The following GARNL3 variants were observed in gnomAD, a reference collection of about 807,000 sequenced individuals.
GARNL3 encodes GTPase-activating Rap/Ran-GAP domain-like protein 3.
A neutral mutation model predicts 125.0 loss-of-function variants in GARNL3; 63 were observed. That is an observed-to-expected ratio of 0.50 (90% CI 0.41 to 0.62). GARNL3 has a LOEUF of 0.62. Ranked by LOEUF, GARNL3 falls within the 20% of genes least tolerant of loss-of-function variation. GARNL3 has a pLI of 0.00. For missense variants in GARNL3, 994 were observed against 1,244.0 expected (o/e 0.80, Z 3.02); for synonymous variants, 439 against 457.5 (o/e 0.96, Z 0.52).
At chr9:127,338,014 G>A (rs907529329) in intron 11 of GARNL3, 102 bp from the exon 12 acceptor site, 8 of 868,418 alleles carry the variant, frequency 9.2e-6, no homozygotes, top group African/African-American at 3.3e-5. Flanking sequence ...CCTAAGCACA[G>A]AAGCGCTGGT....
chr9:127,281,653 C>G (rs1328981597), intron 1 of GARNL3, among the ~76,000 whole-genome samples: 1 of 152,220 alleles, frequency 6.6e-6, no homozygotes, highest in Non-Finnish European at 1.5e-5. Context: ...TTCTCCCTTG[C>G]CTTTCCCTGC....
rs1473093184 is a variant in GARNL3, at chr9:127,313,541, A to G, written c.420A>G (p.Ala140=). The G allele has an allele frequency of 6.2e-7, 1 of 1,613,290 alleles. No individual in the cohort carries two copies. The highest frequency in any genetic ancestry group is 8.5e-7 in the Non-Finnish European group (1 of 1,179,208). ...QNNQRVPQYR[A]ILWRKTGTQK... is the part of the protein sequence containing the mutation. ...ATCAACGTGTCCCTCAATACCGTGC[A>G]ATTCTTTGGAGAAAAACAGTAAGTA... The change falls in exon 4 of 28, where the codon GCA becomes GCG. Residue 140 remains alanine, a synonymous_variant. Transcript: ENST00000373387.
intron 1 of GARNL3, among the ~76,000 whole-genome samples, chr9:127,284,466 A>G (rs1160494039): frequency 6.6e-6 from 1 of 152,172 alleles, no homozygotes; most frequent in East Asian, 1.9e-4. Context: ...TTAATCAATT[A>G]TACTATCTTT....
chr9:127,276,214 CT>C (rs2131312128), intron 1 of GARNL3, among the ~76,000 whole-genome samples: 1 of 151,928 alleles, frequency 6.6e-6, no homozygotes, highest in African/African-American at 2.4e-5. Context: ...TCTCGGACTC[CT>C]GGTCTCAAGT....
At chr9:127,339,309 A>AT (rs894687214) in intron 12 of GARNL3, among the ~76,000 whole-genome samples, 4 of 151,934 alleles carry the variant, frequency 2.6e-5, no homozygotes, top group Non-Finnish European at 5.9e-5. Context: ...AAAAAAAAAA[A>AT]AAGAGGTTTA....
chr9:127,264,926 A>T lies in GARNL3; in HGVS notation c.49A>T (p.Ile17Leu), dbSNP rs776073105. 4.3e-6 allele frequency: 7 copies of T among 1,613,466 alleles called. No individual in the cohort carries two copies. The highest frequency in any genetic ancestry group is 5.1e-6 in the Non-Finnish European group (6 of 1,179,694). ...GTTTGTGGCCAGATCGCTATGTATA[A>T]TACTGATGAAGCATTTTTGTTCCAG... is the stretch of plus-strand genomic sequence containing the variant. ...RRFVARSLCIILMKHFCSSSV... is the reference protein window; with the variant it reads ...RRFVARSLCILLMKHFCSSSV... The change falls in exon 1 of 28, where the codon ATA (isoleucine) becomes TTA (leucine). Residue 17 changes from isoleucine to leucine, a missense_variant. By Grantham distance (5) the Ile-to-Leu change is conservative. Coordinates refer to ENST00000373387, the MANE Select transcript of GARNL3 (RefSeq NM_032293.5).
intron 10 of GARNL3, 33 bp downstream of exon 10, chr9:127,335,366 A>C: frequency 6.9e-7 from 1 of 1,447,546 alleles, no homozygotes; most frequent in South Asian, 1.1e-5. Context: ...TCAAATAGTG[A>C]TGTGAATGTG....
chr9:127,262,496 A>G (rs537888559), upstream of GARNL3, among the ~76,000 whole-genome samples: 3 of 152,188 alleles, frequency 2.0e-5, no homozygotes, highest in Non-Finnish European at 2.9e-5. Flanking sequence ...TTTGGCCTAT[A>G]TTGTCTTGGC....
chr9:127,322,563 C>CTG (rs993556274), intron 6 of GARNL3, among the ~76,000 whole-genome samples: 1 of 152,138 alleles, frequency 6.6e-6, no homozygotes, highest in African/African-American at 2.4e-5. Context: ...CCCTTGTCCT[C>CTG]TGTGTGTGTG....
intron 22 of GARNL3, among the ~76,000 whole-genome samples, chr9:127,375,299 C>T (rs1204874008): frequency 6.6e-6 from 1 of 151,886 alleles, no homozygotes; most frequent in African/African-American, 2.4e-5. Context: ...CCTGTCTCTA[C>T]TGAAAATACA....
intron 16 of GARNL3, among the ~76,000 whole-genome samples, chr9:127,348,587 G>A (rs1407555413): frequency 6.6e-6 from 1 of 152,130 alleles, no homozygotes; most frequent in Non-Finnish European, 1.5e-5. Context: ...TAAAACAGAG[G>A]CACCATTTGG....
At chr9:127,350,321 G>A (rs746300415) in intron 17 of GARNL3, among the ~76,000 whole-genome samples, 12 of 152,036 alleles carry the variant, frequency 7.9e-5, no homozygotes, top group Non-Finnish European at 1.6e-4. Context: ...GATGAAAATC[G>A]GTGAAACAAA....
chr9:127,374,292 ACT>A (rs770984233), intron 22 of GARNL3, among the ~76,000 whole-genome samples: 1 of 152,050 alleles, frequency 6.6e-6, no homozygotes, highest in Middle Eastern at 3.4e-3. Context: ...CAAGAGCAAA[ACT>A]CTGTCTCAAA....
Position 127,344,237 on chromosome 9 carries a change from C to T in GARNL3, c.1254C>T (p.Asn418=), listed in dbSNP as rs1830017397. 6.3e-7 allele frequency: 1 copy of T among 1,594,386 alleles called. No individual in the cohort carries two copies. Among genetic ancestry groups the T allele is most frequent in the Admixed American group, 1.8e-5 (1 of 55,288 alleles). Residue 418 remains asparagine, a splice_region_variant and synonymous_variant, in exon 15 of 28, where the codon AAC becomes AAT. Transcript: ENST00000373387. The part of the protein sequence containing the change: ...HQDLMPDLHK[N]MLNRRSFSDV... ...CATAACTTGTTTTTCTTTTTTAGAA[C>T]ATGCTTAATAGACGATCTTTTAGTG...
At chr9:127,256,936 C>T (rs1285225783) in intron 2 of GARNL3, among the ~76,000 whole-genome samples, 1 of 152,196 alleles carries the variant, frequency 6.6e-6, no homozygotes, top group African/African-American at 2.4e-5. Flanking sequence ...AGTTCCATCC[C>T]CAAAGGCTCT....
intron 22 of GARNL3, among the ~76,000 whole-genome samples, chr9:127,376,276 T>C (rs971591544): frequency 1.3e-5 from 2 of 151,886 alleles, no homozygotes; most frequent in African/African-American, 4.8e-5. Flanking sequence ...CATTTTTTTT[T>C]TGAGACAGTC....
At chr9:127,348,546 T>C (rs1343525339) in intron 16 of GARNL3, among the ~76,000 whole-genome samples, 1 of 152,212 alleles carries the variant, frequency 6.6e-6, no homozygotes, top group East Asian at 1.9e-4. Context: ...TATGTGGGAC[T>C]TCCTTTAATG....
intron 11 of GARNL3, 50 bp downstream of exon 11, chr9:127,336,286 C>T (rs754317917): frequency 5.5e-6 from 7 of 1,284,006 alleles, no homozygotes; most frequent in Non-Finnish European, 6.8e-6. Context: ...GTGGTTCAGC[C>T]TCACTGGACT....
chr9:127,247,746 C>T (rs920049593), intron 2 of GARNL3, among the ~76,000 whole-genome samples: 6 of 152,094 alleles, frequency 3.9e-5, no homozygotes, highest in Non-Finnish European at 5.9e-5. Context: ...GGGTATCCCT[C>T]GCCTTAAGCA....
Sources: allele counts gnomAD v4.1 joint callset (sites outside exome capture counted in the v4.1 genomes callset), GRCh38; gene constraint gnomAD v4.1.1; transcripts MANE v1.5; gene names NCBI Gene and HGNC (gene_info 2026-07-23, HGNC 2026-07-21).